Variants in CCDC171 observed in about 807,000 individuals in gnomAD.
The protein encoded by CCDC171 is coiled-coil domain-containing protein 171.
A neutral mutation model predicts 168.2 loss-of-function variants in CCDC171; 177 were observed. The ratio of observed to expected loss-of-function variants is 1.05; its 90% confidence interval spans 0.93 to 1.19. CCDC171 has a LOEUF of 1.19. CCDC171 is among the 50% of genes most tolerant of loss of function. The pLI, the probability that CCDC171 is intolerant of heterozygous loss-of-function variation, is 0.00. For missense variants in CCDC171, 1,991 were observed against 1,539.0 expected (o/e 1.29, Z -4.91); for synonymous variants, 687 against 540.8 (o/e 1.27, Z -3.75).
At chr9:15,947,807 T>A (rs1158993486) in intron 25 of CCDC171, among the ~76,000 whole-genome samples, 9 of 150,864 alleles carry the variant, frequency 6.0e-5, no homozygotes, top group Non-Finnish European at 1.3e-4. Flanking sequence ...GCTTCCATAT[T>A]TTTTTTAATT....
the CCDC171 span, among the ~76,000 whole-genome samples, chr9:16,095,907 C>T: frequency 1.7e-5 from 2 of 116,104 alleles, no homozygotes; most frequent in Admixed American, 1.7e-4. Context: ...TATACTGCCT[C>T]CAACATATGA....
At chr9:15,746,196 G>A (rs972645978) in intron 18 of CCDC171, among the ~76,000 whole-genome samples, 1 of 152,038 alleles carries the variant, frequency 6.6e-6, no homozygotes, top group Non-Finnish European at 1.5e-5. Flanking sequence ...TGTCTGACAG[G>A]TTCAATGAAA....
At chr9:15,604,215 G>T (rs1407337834) in intron 6 of CCDC171, among the ~76,000 whole-genome samples, 1 of 151,978 alleles carries the variant, frequency 6.6e-6, no homozygotes, top group Non-Finnish European at 1.5e-5. Context: ...TTGCTCTGAT[G>T]ATAGTTTATT....
At chr9:15,573,138 C>T (rs2040366626) in intron 3 of CCDC171, among the ~76,000 whole-genome samples, 1 of 151,802 alleles carries the variant, frequency 6.6e-6, no homozygotes, top group South Asian at 2.1e-4. Flanking sequence ...CCAGCCTGGG[C>T]AACAGAGGAG....
chr9:15,575,338 T>A (rs1554683813), intron 3 of CCDC171, among the ~76,000 whole-genome samples: 1 of 152,026 alleles, frequency 6.6e-6, no homozygotes, highest in South Asian at 2.1e-4. Context: ...CATGCTTGGC[T>A]AATTTTTTGT....
chr9:15,708,794 A>T (rs1471791384), intron 11 of CCDC171, among the ~76,000 whole-genome samples: 1 of 152,142 alleles, frequency 6.6e-6, no homozygotes, highest in African/African-American at 2.4e-5. Flanking sequence ...AAGTTCAGGG[A>T]TTGCTGCTTG....
intron 4 of CCDC171, among the ~76,000 whole-genome samples, chr9:15,591,030 A>G (rs1376303985): frequency 6.6e-6 from 1 of 151,858 alleles, no homozygotes; most frequent in East Asian, 1.9e-4. Context: ...GTTTTCTTGA[A>G]TAGGACAAAA....
chr9:15,725,452 A>T (rs922967349), intron 14 of CCDC171, among the ~76,000 whole-genome samples: 1 of 151,514 alleles, frequency 6.6e-6, no homozygotes, highest in Non-Finnish European at 1.5e-5. Context: ...TTCCTTATTT[A>T]TTTTTTTTCT....
chr9:15,718,230 A>T (rs1374281235), intron 11 of CCDC171, among the ~76,000 whole-genome samples: 1 of 152,172 alleles, frequency 6.6e-6, no homozygotes, highest in African/African-American at 2.4e-5. Context: ...AGTGGTGGCC[A>T]GGGGGAGAGA....
At chr9:15,780,790 T>C (rs2057626126) in intron 20 of CCDC171, among the ~76,000 whole-genome samples, 1 of 152,244 alleles carries the variant, frequency 6.6e-6, no homozygotes, top group African/African-American at 2.4e-5. Flanking sequence ...AATTTCATTT[T>C]AGTTAAATGA....
intron 4 of CCDC171, among the ~76,000 whole-genome samples, chr9:15,586,774 A>G (rs1482198107): frequency 1.3e-5 from 2 of 152,118 alleles, no homozygotes; most frequent in African/African-American, 2.4e-5. Flanking sequence ...TTGAGGAGCC[A>G]TTCCTTCCAG....
rs756232008 is a variant in CCDC171, at chr9:15,778,977, G to C, written c.2908G>C (p.Ala970Pro). 2 of 1,523,234 alleles carry C rather than the reference G, an allele frequency of 1.3e-6. No individual in the cohort carries two copies. Among genetic ancestry groups the C allele is most frequent in the Non-Finnish European group, 1.8e-6 (2 of 1,136,948 alleles). The allele number at this position is 1,523,234 out of a possible 1,614,324, so 94.4% of individuals were successfully genotyped here. A position where few individuals can be genotyped will look rare whatever the true frequency, so the allele number is the denominator to read the frequency against. The change falls in exon 20 of 26, where the codon GCA becomes CCA. Residue 970 changes from alanine (A) to proline (P), a missense_variant. Physicochemically the swap from Ala to Pro is conservative, Grantham distance 27. Transcript: ENST00000380701. ...RGHVPITKST[A>P]SLQKQILGFT... ...TCTTGTTTAACAACAGAAAAGCACA[G>C]CATCGTTGCAGAAGCAAATACTTGG...
intron 24 of CCDC171, among the ~76,000 whole-genome samples, chr9:15,906,811 C>G (rs948632862): frequency 6.6e-6 from 1 of 151,992 alleles, no homozygotes; most frequent in African/African-American, 2.4e-5. Flanking sequence ...AGCTGATAAG[C>G]GACTTCAGCA....
intron 10 of CCDC171, among the ~76,000 whole-genome samples, chr9:15,691,113 C>T (rs2050744038): frequency 6.6e-6 from 1 of 152,026 alleles, no homozygotes; most frequent in African/African-American, 2.4e-5. Context: ...ACTTAACGTA[C>T]ATGCAAAATA....
rs144786877 is a variant in CCDC171 at position 15,575,391 on chromosome 9, C to G, written c.178-3458C>G. 4.7e-4 allele frequency among the ~76,000 whole-genome samples: 72 copies of G among 152,066 alleles called. 1 individual carries two copies. The highest frequency in any genetic ancestry group is 1.6e-3 in the African/African-American group (67 of 41,488). The stretch of plus-strand genomic sequence containing the variant: ...GTTTTGCCATGTTGTCCAGGCTGGT[C>G]TTGAACTTCTGGGCTCAAGTGATCC... On this transcript the variant is annotated intron_variant, in intron 3 of 25. Coordinates refer to ENST00000380701, the MANE Select transcript of CCDC171 (RefSeq NM_173550.4).
At chr9:15,720,121 A>C (rs897528693) in intron 11 of CCDC171, among the ~76,000 whole-genome samples, 8 of 130,328 alleles carry the variant, frequency 6.1e-5, no homozygotes, top group Non-Finnish European at 1.4e-4. Flanking sequence ...ACCCATATAT[A>C]AGTTGGTGCT....
chr9:15,884,918 G>T (rs1398955575), intron 24 of CCDC171, among the ~76,000 whole-genome samples: 2 of 152,148 alleles, frequency 1.3e-5, no homozygotes, highest in Non-Finnish European at 2.9e-5. Flanking sequence ...ACTTTTGGAG[G>T]TTTTTGATTG....
the CCDC171 span, among the ~76,000 whole-genome samples, chr9:16,070,216 G>T: frequency 8.5e-5 from 13 of 152,182 alleles, no homozygotes; most frequent in African/African-American, 3.1e-4. Flanking sequence ...GAGCCCCTCG[G>T]GGTCCGTGGT....
intron 3 of CCDC171, among the ~76,000 whole-genome samples, chr9:15,982,198 C>G (rs778052772): frequency 7.4e-5 from 11 of 148,876 alleles, no homozygotes; most frequent in Non-Finnish European, 1.3e-4. Context: ...ATAGCACAGA[C>G]ATAGCCTTCA....
Sources: allele counts gnomAD v4.1 joint callset (sites outside exome capture counted in the v4.1 genomes callset), GRCh38; gene constraint gnomAD v4.1.1; transcripts MANE v1.5; gene names NCBI Gene and HGNC (gene_info 2026-07-23, HGNC 2026-07-21).